The following DAB1 variants were observed in gnomAD, a reference collection of about 807,000 sequenced individuals.
DAB1 encodes disabled homolog 1.
In DAB1, 15 loss-of-function variants were observed where a neutral mutation model predicts 64.6. That is an observed-to-expected ratio of 0.23 (90% CI 0.16 to 0.36). DAB1 has a LOEUF of 0.36. Among genes scored for constraint, DAB1 ranks in the 10% least tolerant of loss-of-function variants. DAB1 has a pLI of 1.00. For synonymous variants in DAB1, 235 were observed against 251.9 expected (o/e 0.93, Z 0.64); for missense variants, 596 against 706.7 (o/e 0.84, Z 1.78).
intron 4 of DAB1, among the ~76,000 whole-genome samples, chr1:58,318,087 C>A (rs568934198): frequency 2.0e-4 from 31 of 152,308 alleles, no homozygotes; most frequent in African/African-American, 7.5e-4. Flanking sequence ...GAGAACAATT[C>A]AAGTGACCAT....
At chr1:57,554,364 T>G (rs560329627) in intron 7 of DAB1, among the ~76,000 whole-genome samples, 2 of 152,210 alleles carry the variant, frequency 1.3e-5, no homozygotes, top group African/African-American at 4.8e-5. Context: ...GTTACTTACG[T>G]GTAAAGTAGG....
intron 4 of DAB1, among the ~76,000 whole-genome samples, chr1:58,286,776 T>C (rs1392339940): frequency 6.6e-6 from 1 of 152,170 alleles, no homozygotes; most frequent in Admixed American, 6.5e-5. Flanking sequence ...CTCGAAGACA[T>C]GGAACCAGAA....
At chr1:58,263,388 CT>C (rs1479720348) in intron 4 of DAB1, among the ~76,000 whole-genome samples, 1 of 151,854 alleles carries the variant, frequency 6.6e-6, no homozygotes, top group Non-Finnish European at 1.5e-5. Context: ...CCCTGAATCA[CT>C]TCTAGTGATC....
At position 57,010,441 on chromosome 1, in the gene DAB1, C is replaced by T. The variant is rs141367079; in HGVS notation, c.*15+239G>A. ...ATCCATGAGAAAAGGCAAAGTAGAA[C>T]GTAGACACCAGGCAAAGGGACATGG... On this transcript the variant is annotated intron_variant, in intron 14 of 14. Coordinates refer to ENST00000371236, the MANE Select transcript of DAB1 (RefSeq NM_001365792.1). Among the ~76,000 whole-genome samples, 212 of 152,222 alleles carry T rather than the reference C, an allele frequency of 1.4e-3. 1 individual carries two copies. Among genetic ancestry groups the T allele is most frequent in the African/African-American group, 4.5e-3 (187 of 41,540 alleles).
chr1:58,335,117 C>T (rs1402485842), intron 4 of DAB1, among the ~76,000 whole-genome samples: 3 of 152,086 alleles, frequency 2.0e-5, no homozygotes, highest in African/African-American at 7.2e-5. Flanking sequence ...ATCAGGAAAG[C>T]CCTCTTGAAA....
intron 7 of DAB1, among the ~76,000 whole-genome samples, chr1:57,587,881 C>T (rs910524700): frequency 6.6e-6 from 1 of 152,192 alleles, no homozygotes; most frequent in African/African-American, 2.4e-5. Context: ...CCCTGTACCA[C>T]AGAAGCCACC....
intron 7 of DAB1, among the ~76,000 whole-genome samples, chr1:57,592,904 T>C (rs2101572712): frequency 6.6e-6 from 1 of 152,270 alleles, no homozygotes; most frequent in African/African-American, 2.4e-5. Context: ...TCTTCTGACC[T>C]CATTTAACCT....
chr1:58,275,460 G>A (rs1341829176), intron 4 of DAB1, among the ~76,000 whole-genome samples: 1 of 151,996 alleles, frequency 6.6e-6, no homozygotes, highest in Non-Finnish European at 1.5e-5. Context: ...AATATATAAA[G>A]AACTCCTGCA....
intron 5 of DAB1, among the ~76,000 whole-genome samples, chr1:57,914,193 C>T (rs1267035633): frequency 2.6e-5 from 4 of 152,074 alleles, no homozygotes; most frequent in Non-Finnish European, 2.9e-5. Flanking sequence ...TTGGAACCAA[C>T]CCAAATGTCC....
chr1:58,494,228 A>C (rs950913693), intron 3 of DAB1, among the ~76,000 whole-genome samples: 17 of 152,228 alleles, frequency 1.1e-4, no homozygotes, highest in African/African-American at 3.9e-4. Flanking sequence ...GAGAAAGCTG[A>C]AACTGGATCC....
At chr1:58,404,637 A>C (rs1357383040) in intron 3 of DAB1, among the ~76,000 whole-genome samples, 1 of 152,186 alleles carries the variant, frequency 6.6e-6, no homozygotes, top group Admixed American at 6.6e-5. Context: ...CCACAGATTC[A>C]AAGTGGGAAG....
At position 58,305,710 on chromosome 1, in the gene DAB1, A is replaced by G. The variant is rs181137214; in HGVS notation, n.309+37642T>C. Among the ~76,000 whole-genome samples, 427 of 152,330 alleles carry G rather than the reference A, an allele frequency of 2.8e-3. 2 individuals are homozygous for G. The highest frequency in any genetic ancestry group is 5.5e-3 in the Non-Finnish European group (373 of 68,028). On this transcript the variant is annotated intron_variant and non_coding_transcript_variant, in intron 4 of 20. Coordinates refer to the DAB1 transcript ENST00000485760. ...AATTACCAAAAAAGTTCTATCAAGT[A>G]GGTCAGCCCATTCCCCAAGCATCTC...
chr1:58,020,966 G>C (rs989839615), intron 5 of DAB1, among the ~76,000 whole-genome samples: 1 of 152,158 alleles, frequency 6.6e-6, no homozygotes, highest in Non-Finnish European at 1.5e-5. Context: ...TCACGCCACT[G>C]TACTCCTGCA....
At chr1:57,216,349 G>T (rs909822736) in intron 2 of DAB1, among the ~76,000 whole-genome samples, 1 of 152,060 alleles carries the variant, frequency 6.6e-6, no homozygotes, top group African/African-American at 2.4e-5. Flanking sequence ...GTCAATTAAA[G>T]TAACTCCTTT....
At chr1:58,462,644 A>G (rs1482244909) in intron 3 of DAB1, 7 of 152,194 alleles carry the variant, frequency 4.6e-5, no homozygotes, top group African/African-American at 1.4e-4. Flanking sequence ...TGGTCAGAAT[A>G]TGGGGAGCCA....
intron 3 of DAB1, among the ~76,000 whole-genome samples, chr1:58,386,746 A>G (rs1644436045): frequency 6.6e-6 from 1 of 152,236 alleles, no homozygotes. Context: ...ATACAGATCA[A>G]AAGGAATAAC....
chr1:58,404,580 G>A (rs1644599233), intron 3 of DAB1, among the ~76,000 whole-genome samples: 1 of 152,114 alleles, frequency 6.6e-6, no homozygotes, highest in Admixed American at 6.6e-5. Flanking sequence ...GAGAGTGCTT[G>A]GCCCAGAGCG....
chr1:57,048,235 C>A (rs1648780258), intron 9 of DAB1, among the ~76,000 whole-genome samples: 1 of 152,172 alleles, frequency 6.6e-6, no homozygotes, highest in African/African-American at 2.4e-5. Context: ...ACTGTAATAC[C>A]AAGTTCCCTA....
intron 5 of DAB1, among the ~76,000 whole-genome samples, chr1:58,006,266 A>G (rs1337920442): frequency 2.0e-5 from 3 of 152,176 alleles, no homozygotes; most frequent in Non-Finnish European, 2.9e-5. Flanking sequence ...TTACTTAGAG[A>G]TTGAGTGACT....
Sources: allele counts gnomAD v4.1 joint callset (sites outside exome capture counted in the v4.1 genomes callset), GRCh38; gene constraint gnomAD v4.1.1; transcripts MANE v1.5; gene names NCBI Gene and HGNC (gene_info 2026-07-23, HGNC 2026-07-21).